GOLM2: variants seen among roughly 807,000 people sequenced by gnomAD.
GOLM2 encodes protein GOLM2.
In GOLM2, 26 loss-of-function variants were observed where a neutral mutation model predicts 55.9. The ratio of observed to expected loss-of-function variants is 0.47; its 90% CI spans 0.34 to 0.65. The LOEUF (loss-of-function observed/expected upper bound fraction) is 0.65, where lower values mean the gene tolerates loss of function less well. GOLM2 is among the 30% of genes least tolerant of loss of function. The pLI, the probability that GOLM2 is intolerant of heterozygous loss-of-function variation, is 0.01. For missense variants in GOLM2, 486 were observed against 531.8 expected (o/e 0.91, Z 0.85); for synonymous variants, 165 against 194.6 (o/e 0.85, Z 1.27).
rs192076414 is a variant in GOLM2, at chr15:44,341,086, T to C, written c.802+2769T>C. Among the ~76,000 whole-genome samples, 141 of 149,144 alleles carry C rather than the reference T, an allele frequency of 9.5e-4. 1 individual carries two copies. Among genetic ancestry groups the C allele is most frequent in the African/African-American group, 3.1e-3 (127 of 40,694 alleles). On this transcript the variant is annotated intron_variant, in intron 6 of 9. Transcript: ENST00000299957. ...ATTTCCACATACTTTTCTCTTTTTT[T>C]TTTTTTTTTTTTGAGACAGAGTCTC...
intron 8 of GOLM2, among the ~76,000 whole-genome samples, chr15:44,394,805 A>G (rs757285265): frequency 1.3e-5 from 2 of 152,182 alleles, no homozygotes; most frequent in Non-Finnish European, 1.5e-5. Context: ...TAGGTATTAA[A>G]TTGAATAATG....
At chr15:44,403,749 G>A (rs2079580962) in intron 9 of GOLM2, among the ~76,000 whole-genome samples, 1 of 152,010 alleles carries the variant, frequency 6.6e-6, no homozygotes, top group South Asian at 2.1e-4. Context: ...TACAAATATT[G>A]CCCAGGTAGC....
intron 9 of GOLM2, among the ~76,000 whole-genome samples, chr15:44,410,681 A>G (rs1487727820): frequency 3.3e-5 from 5 of 150,794 alleles, no homozygotes; most frequent in African/African-American, 1.2e-4. Context: ...AGATCGCTTG[A>G]ACCCAGGAGT....
chr15:44,363,331 T>C (rs1429140188), intron 6 of GOLM2, among the ~76,000 whole-genome samples: 1 of 151,730 alleles, frequency 6.6e-6, no homozygotes, highest in East Asian at 1.9e-4. Context: ...TACAATGAAC[T>C]CAAACAAATT....
At chr15:44,399,231 C>T (rs1001000968) in intron 8 of GOLM2, among the ~76,000 whole-genome samples, 2 of 152,098 alleles carry the variant, frequency 1.3e-5, no homozygotes, top group South Asian at 2.1e-4. Flanking sequence ...TTGTCTGTAC[C>T]GTTATATTCA....
At chr15:44,293,196 C>T (rs796519457) in intron 1 of GOLM2, among the ~76,000 whole-genome samples, 20 of 152,254 alleles carry the variant, frequency 1.3e-4, no homozygotes, top group African/African-American at 4.3e-4. Context: ...TTCTAAAGTG[C>T]CAGGTGTGAG....
intron 9 of GOLM2, among the ~76,000 whole-genome samples, chr15:44,408,761 A>G (rs986957325): frequency 3.3e-5 from 5 of 151,954 alleles, no homozygotes; most frequent in Admixed American, 3.3e-4. Flanking sequence ...GGCAGATCAC[A>G]CCCTCCTGGC....
chr15:44,412,835 T>C (rs2079647285), intron 9 of GOLM2, among the ~76,000 whole-genome samples: 1 of 152,030 alleles, frequency 6.6e-6, no homozygotes, highest in Non-Finnish European at 1.5e-5. Flanking sequence ...AAACCCCGTC[T>C]CTACTAAAAA....
At chr15:44,341,281 C>T (rs1278481647) in intron 6 of GOLM2, among the ~76,000 whole-genome samples, 1 of 151,916 alleles carries the variant, frequency 6.6e-6, no homozygotes, top group East Asian at 1.9e-4. Flanking sequence ...GGGGTTTCAC[C>T]ATGTTAGCCA....
At chr15:44,346,701 A>T (rs1036121967) in intron 6 of GOLM2, among the ~76,000 whole-genome samples, 2 of 152,184 alleles carry the variant, frequency 1.3e-5, no homozygotes, top group Admixed American at 6.5e-5. Flanking sequence ...TGAAACCAGT[A>T]ATAGTGGTTT....
At chr15:44,344,595 A>G (rs1451803688) in intron 6 of GOLM2, among the ~76,000 whole-genome samples, 2 of 151,528 alleles carry the variant, frequency 1.3e-5, no homozygotes, top group African/African-American at 4.8e-5. Context: ...GTTATTTATT[A>G]TTTTTTATTT....
intron 4 of GOLM2, among the ~76,000 whole-genome samples, chr15:44,337,237 G>A (rs1210650311): frequency 2.6e-5 from 4 of 151,718 alleles, no homozygotes; most frequent in African/African-American, 9.7e-5. Context: ...CAGGTTAGAG[G>A]AAGCACTGAC....
chr15:44,336,368 C>T (rs530728607), intron 4 of GOLM2, among the ~76,000 whole-genome samples: 25 of 151,922 alleles, frequency 1.6e-4, no homozygotes, highest in African/African-American at 6.0e-4. Flanking sequence ...CCGCCCACCT[C>T]GGCCTCCCGA....
chr15:44,380,665 TAA>T (rs75582759), intron 7 of GOLM2, 139 bp from the exon 8 acceptor site: 3,192 of 361,634 alleles, frequency 8.8e-3, no homozygotes, highest in East Asian at 0.012. Context: ...AATAAACCTT[TAA>T]AAAAAAAAAA....
chr15:44,332,057 C>T lies in GOLM2; in HGVS notation c.555C>T (p.Asp185=). The T allele has an allele frequency of 1.3e-6, 2 of 1,589,634 alleles. No individual in the cohort carries two copies. The highest frequency in any genetic ancestry group is 2.3e-5 in the South Asian group (2 of 87,424). The change falls in exon 4 of 10, where the codon GAC becomes GAT. Residue 185 remains aspartate, a synonymous_variant. Coordinates refer to ENST00000299957, the MANE Select transcript of GOLM2 (RefSeq NM_138423.4). ...QHEENIKKLA[D]QFLEEQKQET... is the part of the protein sequence containing the mutation. Reference sequence around the variant, plus strand: ...AAGAAAATATTAAAAAGTTAGCAGACCAGTTTTTAGAGGAACAAAAGGTAA... The same window carrying T: ...AAGAAAATATTAAAAAGTTAGCAGATCAGTTTTTAGAGGAACAAAAGGTAA...
intron 9 of GOLM2, 86 bp from the exon 10 acceptor site, chr15:44,413,250 T>C (rs1353767018): frequency 3.2e-6 from 3 of 939,362 alleles, no homozygotes; most frequent in African/African-American, 3.3e-5. Flanking sequence ...GAAACTACCT[T>C]AAGGCTATGA....
intron 1 of GOLM2, among the ~76,000 whole-genome samples, chr15:44,304,230 C>CT (rs895623812): frequency 0.011 from 889 of 82,910 alleles, 133 homozygotes; most frequent in African/African-American, 0.019. Flanking sequence ...GGCTCCACTT[C>CT]TTTTTTTTTT....
chr15:44,369,080 T>C (rs2079308367), intron 6 of GOLM2, among the ~76,000 whole-genome samples: 1 of 65,532 alleles, frequency 1.5e-5, no homozygotes, highest in African/African-American at 5.7e-5. Context: ...TATATATATA[T>C]ATATATATAT....
intron 1 of GOLM2, 92 bp from the exon 2 acceptor site, chr15:44,322,873 G>A: frequency 1.3e-6 from 1 of 787,744 alleles, no homozygotes. Flanking sequence ...TTTTTTGTTT[G>A]CATTTATGAT....
Sources: gnomAD v4.1 joint callset for allele counts (sites outside exome capture counted in the v4.1 genomes callset) on GRCh38, gnomAD v4.1.1 for gene constraint, MANE v1.5 for transcripts, NCBI Gene and HGNC (gene_info 2026-07-23, HGNC 2026-07-21) for gene names.